The following FGF13 variants were observed in gnomAD, a reference collection of about 807,000 sequenced individuals.
The protein encoded by FGF13 is fibroblast growth factor homologous factor 2.
In FGF13, 2 loss-of-function variants were observed where a neutral mutation model predicts 19.5. The observed-to-expected ratio is 0.10, with a 90% confidence interval of 0.04 to 0.32. The LOEUF (loss-of-function observed/expected upper bound fraction) is 0.32, where lower values mean the gene tolerates loss of function less well. Ranked by LOEUF, FGF13 falls within the 10% of genes least tolerant of loss-of-function variation. The pLI, the probability that FGF13 is intolerant of heterozygous loss-of-function variation, is 1.00. For missense variants in FGF13, 113 were observed against 192.7 expected, an observed-to-expected ratio of 0.59 and a Z score of 2.45; for synonymous variants, 72 against 76.9, an observed-to-expected ratio of 0.94 and a Z score of 0.33.
chrX:139,147,304 C>T (rs992385538), intron 1 of FGF13, among the ~76,000 whole-genome samples: 5 of 109,901 alleles, frequency 4.5e-5, no homozygotes, highest in Non-Finnish European at 7.6e-5. Flanking sequence ...TTGGAAAAGT[C>T]GATTTCCTCC....
intron 1 of FGF13, among the ~76,000 whole-genome samples, chrX:139,097,932 C>G (rs1198890215): frequency 8.9e-6 from 1 of 112,255 alleles, no homozygotes; most frequent in African/African-American, 3.2e-5. Context: ...AGGTAACACT[C>G]TATTTCTCAA....
intron 1 of FGF13, among the ~76,000 whole-genome samples, chrX:138,921,971 CAAAAAAA>C (rs35464038): frequency 3.0e-5 from 2 of 67,511 alleles, no homozygotes; most frequent in Non-Finnish European, 5.5e-5. Flanking sequence ...TTATGGAACT[CAAAAAAA>C]AAAAAAAAAA....
chrX:138,621,974 T>C lies in FGF13; in HGVS notation c.*10876A>G, dbSNP rs1450464615. On this transcript the variant is annotated 3_prime_UTR_variant, in exon 5 of 5. Coordinates refer to ENST00000315930, the MANE Select transcript of FGF13 (RefSeq NM_004114.5). ...TTTAAAAAAGAACTTCCCAACAAAG[T>C]AAAGCCCAGAACCAGATGGCTTCAG... The C allele has an allele frequency of 1.8e-5, 2 of 110,055 alleles. No homozygotes were observed. The highest frequency in any genetic ancestry group is 5.8e-4 in the East Asian group (2 of 3,465). The allele number at this position is 110,055 out of a possible 1,213,427, so 9.1% of individuals were successfully genotyped here.
At position 138,630,325 on chromosome X, in the gene FGF13, TAGTC is replaced by T. The variant is rs1441348093; in HGVS notation, c.*2521_*2524del. The T allele has an allele frequency of 9.0e-6, 1 of 111,118 alleles. No homozygotes were observed. Among genetic ancestry groups the T allele is most frequent in the African/African-American group, 3.3e-5 (1 of 30,532 alleles). The allele number at this position is 111,118 out of a possible 1,213,427, so 9.2% of individuals were successfully genotyped here. ...GAAAAAGCAAGACCAGCAACTGAAG[TAGTC>T]AGTGACCAAACTTTAAAGTTCTTAG... On this transcript the variant is annotated 3_prime_UTR_variant, in exon 5 of 5. Coordinates refer to ENST00000315930, the MANE Select transcript of FGF13 (RefSeq NM_004114.5).
intron 1 of FGF13, among the ~76,000 whole-genome samples, chrX:139,018,886 T>C (rs2092165502): frequency 9.0e-6 from 1 of 110,776 alleles, no homozygotes; most frequent in African/African-American, 3.3e-5. Flanking sequence ...CTTCACAGAA[T>C]TGTCAAACTA....
chrX:138,824,866 C>T (rs937671829), intron 3 of FGF13, among the ~76,000 whole-genome samples: 3 of 111,741 alleles, frequency 2.7e-5, no homozygotes, highest in Non-Finnish European at 3.8e-5. Context: ...TGTCTTTCTG[C>T]TTCAAGGGAA....
At chrX:138,650,965 T>C (rs769902278) in intron 3 of FGF13, among the ~76,000 whole-genome samples, 8 of 111,792 alleles carry the variant, frequency 7.2e-5, no homozygotes, top group Admixed American at 6.7e-4. Flanking sequence ...AAACACACTT[T>C]GGTGTCACTG....
chrX:138,622,429 T>G lies in FGF13; in HGVS notation c.*10421A>C, dbSNP rs766265949. The G allele has an allele frequency of 9.0e-6, 1 of 111,424 alleles. No homozygotes were observed. Among genetic ancestry groups the G allele is most frequent in the African/African-American group, 3.3e-5 (1 of 30,741 alleles). 9.2% of individuals were successfully genotyped at this position (111,424 alleles called of 1,213,427 possible). A position where few individuals can be genotyped will look rare whatever the true frequency, so the allele number is the denominator to read the frequency against. On this transcript the variant is annotated 3_prime_UTR_variant, in exon 5 of 5. Coordinates refer to ENST00000315930, the MANE Select transcript of FGF13 (RefSeq NM_004114.5). ...TTCATGATGAAAACATTCAAAACAT[T>G]AGGTAGAGAAGGAATATCCCTAAAT...
chrX:139,007,024 A>C (rs2092104281), intron 1 of FGF13, among the ~76,000 whole-genome samples: 1 of 111,652 alleles, frequency 9.0e-6, no homozygotes, highest in African/African-American at 3.3e-5. Flanking sequence ...TAAATGAACT[A>C]AACTCTCCAA....
chrX:139,106,991 C>T (rs1165979689), intron 1 of FGF13, among the ~76,000 whole-genome samples: 10 of 108,773 alleles, frequency 9.2e-5, no homozygotes, highest in Non-Finnish European at 1.5e-4. Flanking sequence ...TGTAATTATC[C>T]TTTGTGCCAA....
rs953139757 is a variant in FGF13, at chrX:138,629,461, C to T, written c.*3389G>A. On this transcript the variant is annotated 3_prime_UTR_variant, in exon 5 of 5. Transcript: ENST00000315930. ...ACCTGGTGGGAGGTGATTGGATCCTCGGGGCGGTTTCCCCATGCTGTCTCA... is the reference window on the plus strand; with the variant it reads ...ACCTGGTGGGAGGTGATTGGATCCTTGGGGCGGTTTCCCCATGCTGTCTCA... 3 of 110,891 alleles carry T rather than the reference C, an allele frequency of 2.7e-5. No homozygotes were observed. Among genetic ancestry groups the T allele is most frequent in the African/African-American group, 9.9e-5 (3 of 30,446 alleles). 9.1% of individuals were successfully genotyped at this position (110,891 alleles called of 1,213,427 possible). A position where few individuals can be genotyped will look rare whatever the true frequency, so the allele number is the denominator to read the frequency against.
intron 1 of FGF13, among the ~76,000 whole-genome samples, chrX:138,946,660 G>A (rs1349252579): frequency 2.7e-5 from 3 of 112,040 alleles, no homozygotes; most frequent in Non-Finnish European, 5.6e-5. Context: ...TGATGCAACA[G>A]CAGGAAGCAT....
chrX:139,023,428 A>G (rs749139075), intron 1 of FGF13, among the ~76,000 whole-genome samples: 2 of 111,358 alleles, frequency 1.8e-5, no homozygotes, highest in Admixed American at 1.9e-4. Context: ...TGTAAATTGT[A>G]GCAAAAAAAG....
intron 1 of FGF13, among the ~76,000 whole-genome samples, chrX:139,188,065 T>G (rs993465900): frequency 1.8e-5 from 2 of 112,146 alleles, no homozygotes; most frequent in Admixed American, 9.5e-5. Flanking sequence ...ACCACCCAAC[T>G]ATGTCAGCTC....
chrX:138,941,436 A>T (rs1162743012), intron 1 of FGF13, among the ~76,000 whole-genome samples: 1 of 111,823 alleles, frequency 8.9e-6, no homozygotes. Context: ...CTGAGAGCCA[A>T]TGCAATCTCA....
chrX:138,939,394 A>G (rs1269150435), intron 1 of FGF13, among the ~76,000 whole-genome samples: 2 of 111,675 alleles, frequency 1.8e-5, no homozygotes, highest in Admixed American at 1.9e-4. Flanking sequence ...TTTAAATTTA[A>G]TTTTCATATG....
chrX:139,044,959 G>C (rs2092282098), intron 1 of FGF13, among the ~76,000 whole-genome samples: 1 of 111,798 alleles, frequency 8.9e-6, no homozygotes, highest in Admixed American at 9.4e-5. Context: ...ACTCTGTGTG[G>C]GGCCTTCGAC....
chrX:139,117,236 G>A (rs57451898), intron 1 of FGF13, among the ~76,000 whole-genome samples: 10,799 of 111,097 alleles, frequency 0.097, 424 homozygotes, highest in South Asian at 0.19. Context: ...GGGAGGTGCT[G>A]CTGGTGTAGA....
intron 1 of FGF13, among the ~76,000 whole-genome samples, chrX:138,950,366 G>A (rs143686443): frequency 0.017 from 1,945 of 112,041 alleles, 20 homozygotes; most frequent in Non-Finnish European, 0.024. Flanking sequence ...CAAATATGAG[G>A]TTAACCAATA....
Sources: allele counts gnomAD v4.1 joint callset (sites outside exome capture counted in the v4.1 genomes callset), GRCh38; gene constraint gnomAD v4.1.1; transcripts MANE v1.5; gene names NCBI Gene and HGNC (gene_info 2026-07-23, HGNC 2026-07-21).